The following ASH1L variants were observed in gnomAD, a reference collection of about 807,000 sequenced individuals.
ASH1L encodes the protein ASH1 like histone lysine methyltransferase.
Under a neutral mutation model 269.0 loss-of-function variants are expected in ASH1L, and 23 were observed. The observed-to-expected ratio is 0.09, with a 90% CI of 0.06 to 0.12. ASH1L has a LOEUF of 0.12. ASH1L is among the 10% of genes least tolerant of loss of function. The probability of loss-of-function intolerance (pLI) is 1.00; values close to 1 mark genes in which losing one functional copy is unlikely to be tolerated. For synonymous variants in ASH1L, 1,187 were observed against 1,253.5 expected (o/e 0.95, Z 1.12); for missense variants, 2,912 against 3,567.8 (o/e 0.82, Z 4.68).
At chr1:155,522,063 T>C (rs890082710) in intron 1 of ASH1L, among the ~76,000 whole-genome samples, 7 of 152,240 alleles carry the variant, frequency 4.6e-5, no homozygotes, top group African/African-American at 1.7e-4. Context: ...TATGTGATTA[T>C]TACACATTGT....
At chr1:155,501,605 G>A (rs925774549) in intron 2 of ASH1L, among the ~76,000 whole-genome samples, 5 of 152,112 alleles carry the variant, frequency 3.3e-5, no homozygotes, top group Admixed American at 2.0e-4. Flanking sequence ...TCCTGACCGC[G>A]GGTGATCTGC....
chr1:155,377,547 C>CA (rs966484893), intron 10 of ASH1L, among the ~76,000 whole-genome samples: 8 of 151,816 alleles, frequency 5.3e-5, no homozygotes, highest in South Asian at 2.1e-4. Context: ...CTGGGCAACA[C>CA]AGTGAGACCC....
chr1:155,548,436 C>T (rs1246431420), intron 1 of ASH1L, among the ~76,000 whole-genome samples: 1 of 152,046 alleles, frequency 6.6e-6, no homozygotes, highest in Admixed American at 6.6e-5. Context: ...GGCAGGAGAA[C>T]TGCTTGAACC....
Position 155,423,569 on chromosome 1 carries a change from A to G in ASH1L, c.5829-7646T>C, listed in dbSNP as rs374445291. Among the ~76,000 whole-genome samples, 349 of 152,164 alleles carry G rather than the reference A, an allele frequency of 2.3e-3. 4 individuals carry two copies. The highest frequency in any genetic ancestry group is 0.021 in the South Asian group (100 of 4,816). ...GGCGACAGAGCAAGACTCTGTCTCAAAAACAAAACAAAACAAAACAAAAAC... is the reference window on the plus strand; with the variant it reads ...GGCGACAGAGCAAGACTCTGTCTCAGAAACAAAACAAAACAAAACAAAAAC... On this transcript the variant is annotated intron_variant, in intron 5 of 27. Transcript: ENST00000392403.
rs1242046172 is a variant in ASH1L, at chr1:155,479,544, G to C, written c.3326C>G (p.Ser1109Cys). 6.2e-7 allele frequency: 1 copy of C among 1,614,078 alleles called. No individual in the cohort carries two copies. Among genetic ancestry groups the C allele is most frequent in the Non-Finnish European group, 8.5e-7 (1 of 1,180,036 alleles). ...ACCTCCACTAGTCCCAGAAGACTGA[G>C]AGCAAATAGGTGATGGAAGAATCTC... ...SSEILPSPIC[S>C]QSSGTSGGQS... The change falls in exon 3 of 28, where the codon TCT (serine) becomes TGT (cysteine). Residue 1109 changes from serine to cysteine, a missense_variant. This residue lies in a region of ASH1L where 157 missense variants were observed against 154.6 expected (regional missense o/e 1.02). Transcript: ENST00000392403.
chr1:155,482,309 A>T lies in ASH1L; in HGVS notation c.561T>A (p.Asp187Glu). The change falls in exon 3 of 28, where the codon GAT (aspartate) becomes GAA (glutamate). Residue 187 changes from aspartate (D) to glutamate (E), a missense_variant. Asp to Glu is a conservative substitution (Grantham distance 45). Around this residue, in one of 13 missense-constraint regions of ASH1L, gnomAD observed 277 missense variants for 367.7 expected, o/e 0.75. Transcript: ENST00000392403. ...KLSPVHSEMA[D>E]YINATPSTLL... ...GAGTAGATGGCGTTGCATTAATATA[A>T]TCTGCCATTTCTGAGTGTACTGGAG... 1 of 1,614,158 alleles carries T rather than the reference A, an allele frequency of 6.2e-7. No individual in the cohort carries two copies. Among genetic ancestry groups the T allele is most frequent in the Non-Finnish European group, 8.5e-7 (1 of 1,180,012 alleles).
intron 7 of ASH1L, among the ~76,000 whole-genome samples, chr1:155,388,390 C>T (rs185009856): frequency 1.4e-4 from 21 of 152,282 alleles, no homozygotes; most frequent in Non-Finnish European, 1.9e-4. Context: ...CTCCCAGGCT[C>T]AGGTGATCCT....
chr1:155,357,260 C>T, intron 15 of ASH1L, 56 bp downstream of exon 15: 2 of 1,397,608 alleles, frequency 1.4e-6, no homozygotes, highest in Admixed American at 1.9e-5. Context: ...ATTTTTTACA[C>T]AGATAAGCAA....
At chr1:155,357,854 T>G in intron 13 of ASH1L, 105 bp from the exon 14 acceptor site, 1 of 1,120,626 alleles carries the variant, frequency 8.9e-7, no homozygotes, top group Non-Finnish European at 1.2e-6. Flanking sequence ...CACTGCAGTC[T>G]CAACCTCCTG....
chr1:155,446,104 G>A (rs940388145), intron 4 of ASH1L, among the ~76,000 whole-genome samples: 5 of 146,222 alleles, frequency 3.4e-5, no homozygotes, highest in South Asian at 4.3e-4. Flanking sequence ...GGCTGGTCTC[G>A]AACTCCTGAC....
rs1179125179 is a variant in ASH1L, at chr1:155,345,571, CT to C, written c.7890+811del. Among the ~76,000 whole-genome samples the C allele has an allele frequency of 2.4e-3, 256 of 104,928 alleles. 1 individual carries two copies. Among genetic ancestry groups the C allele is most frequent in the African/African-American group, 6.6e-3 (178 of 26,938 alleles). 68.8% of individuals were successfully genotyped at this position (104,928 alleles called of 152,430 possible). On this transcript the variant is annotated intron_variant, in intron 21 of 27. Coordinates refer to ENST00000392403, the MANE Select transcript of ASH1L (RefSeq NM_018489.3). ...TATAGGTGTGAGCCACCATGCCCAGCTTTTTTTTTTTTTTTTTTTTTGAGAC... is the reference window on the plus strand; with the variant it reads ...TATAGGTGTGAGCCACCATGCCCAGCTTTTTTTTTTTTTTTTTTTTGAGAC...
intron 5 of ASH1L, among the ~76,000 whole-genome samples, chr1:155,416,436 C>T (rs984549437): frequency 5.3e-5 from 8 of 152,030 alleles, no homozygotes; most frequent in African/African-American, 1.9e-4. Flanking sequence ...TTTTAAAAGA[C>T]AATTATTATC....
intron 4 of ASH1L, among the ~76,000 whole-genome samples, chr1:155,442,201 C>G (rs1225398039): frequency 6.6e-6 from 1 of 152,092 alleles, no homozygotes; most frequent in South Asian, 2.1e-4. Flanking sequence ...CTTTGTTATG[C>G]AGCAATGGAC....
At chr1:155,371,981 C>T (rs917758287) in intron 10 of ASH1L, among the ~76,000 whole-genome samples, 1 of 151,366 alleles carries the variant, frequency 6.6e-6, no homozygotes, top group Non-Finnish European at 1.5e-5. Context: ...AGCTTGTGAA[C>T]CACTGCACCC....
At chr1:155,540,039 G>A (rs1571107319) in intron 1 of ASH1L, among the ~76,000 whole-genome samples, 1 of 151,872 alleles carries the variant, frequency 6.6e-6, no homozygotes. Context: ...ACTGACTCCA[G>A]CCTGGGTGAC....
intron 4 of ASH1L, among the ~76,000 whole-genome samples, chr1:155,451,132 G>A (rs1663429177): frequency 1.3e-5 from 2 of 150,926 alleles, no homozygotes; most frequent in Non-Finnish European, 2.9e-5. Flanking sequence ...AGGAGGTAGA[G>A]GTTGCAGTGA....
rs1353765865 is a variant in ASH1L, at chr1:155,459,187, A to C, written c.5086+610T>G. On this transcript the variant is annotated intron_variant, in intron 4 of 27. Transcript: ENST00000392403. ...TCTGAATGCTACTTTGGAAATTACT[A>C]GTTTACTAAACAATTTTTTTTTTTT... Among the ~76,000 whole-genome samples, 3 of 151,932 alleles carry C rather than the reference A, an allele frequency of 2.0e-5. No individual in the cohort carries two copies. In the East Asian group the frequency reaches 5.8e-4, roughly 29 times the overall value.
At position 155,338,329 on chromosome 1, in the gene ASH1L, C is replaced by A. The variant is rs763350702; in HGVS notation, c.8563G>T (p.Ala2855Ser). ...PLKDLGQEDD[A>S]LPLIEEVLAS... ...AGAACCTCTTCAATCAAGGGTAGAG[C>A]ATCATCCTCCTGGCCCAAGTCTTTT... The change falls in exon 27 of 28, where the codon GCT becomes TCT. Residue 2855 changes from alanine (A) to serine (S), a missense_variant. Transcript: ENST00000392403. 2.5e-6 allele frequency: 4 copies of A among 1,614,060 alleles called. No homozygotes were observed. In the East Asian group the frequency reaches 8.9e-5, roughly 36 times the overall value.
chr1:155,397,499 G>GA (rs757786971), intron 6 of ASH1L, among the ~76,000 whole-genome samples: 2,641 of 104,782 alleles, frequency 0.025, 23 homozygotes, highest in Middle Eastern at 0.047. Flanking sequence ...CTCTGTCTCA[G>GA]AAAAAAAAAA....
Sources: allele counts gnomAD v4.1 joint callset (sites outside exome capture counted in the v4.1 genomes callset), GRCh38; gene constraint gnomAD v4.1.1; regional missense constraint gnomAD v4.1.1; transcripts MANE v1.5; gene names NCBI Gene and HGNC (gene_info 2026-07-23, HGNC 2026-07-21).